Variants in SDK1 observed in about 807,000 individuals in gnomAD.
The protein encoded by SDK1 is sidekick cell adhesion molecule 1.
In SDK1, 157 loss-of-function variants were observed where a neutral mutation model predicts 245.5. The ratio of observed to expected loss-of-function variants is 0.64; its 90% CI spans 0.56 to 0.73. The LOEUF is 0.73. SDK1 is among the 30% of genes least tolerant of loss of function. SDK1 has a pLI of 0.00. For missense variants in SDK1, 3,583 were observed against 3,002.3 expected, an observed-to-expected ratio of 1.19 and a Z score of -4.52; for synonymous variants, 1,647 against 1,278.5, an observed-to-expected ratio of 1.29 and a Z score of -6.15.
intron 33 of SDK1, among the ~76,000 whole-genome samples, chr7:4,174,729 C>A (rs1782079163): frequency 6.6e-6 from 1 of 152,154 alleles, no homozygotes; most frequent in South Asian, 2.1e-4. Context: ...CAGGCCCCGC[C>A]TGTCTGTACC....
intron 17 of SDK1, among the ~76,000 whole-genome samples, chr7:4,047,394 C>A (rs939189158): frequency 3.5e-5 from 5 of 141,354 alleles, no homozygotes; most frequent in Admixed American, 1.3e-4. Flanking sequence ...ATTTTATTTT[C>A]TAATATTTTG....
chr7:3,678,206 C>T (rs573836242), intron 4 of SDK1, among the ~76,000 whole-genome samples: 2 of 152,254 alleles, frequency 1.3e-5, no homozygotes, highest in South Asian at 2.1e-4. Flanking sequence ...GTTTAGCCAC[C>T]GTGGAAGACC....
At chr7:4,192,500 C>G (rs971917450) in intron 35 of SDK1, among the ~76,000 whole-genome samples, 8 of 152,194 alleles carry the variant, frequency 5.3e-5, no homozygotes, top group Non-Finnish European at 1.0e-4. Flanking sequence ...TGGTCTCGAT[C>G]TCCTGAACTC....
intron 13 of SDK1, among the ~76,000 whole-genome samples, chr7:3,975,119 A>G (rs1041792627): frequency 6.6e-5 from 10 of 152,014 alleles, no homozygotes; most frequent in South Asian, 2.1e-4. Flanking sequence ...GAAACCGTCA[A>G]TCTCCCCCGT....
At chr7:3,662,210 A>G (rs1189989315) in intron 4 of SDK1, among the ~76,000 whole-genome samples, 2 of 152,174 alleles carry the variant, frequency 1.3e-5, no homozygotes, top group Non-Finnish European at 2.9e-5. Flanking sequence ...GTAAAATGGA[A>G]CTGATGGATC....
At chr7:3,421,114 C>A (rs1409809000) in intron 1 of SDK1, among the ~76,000 whole-genome samples, 1 of 148,672 alleles carries the variant, frequency 6.7e-6, no homozygotes, top group African/African-American at 2.5e-5. Context: ...TTTGGTGGCC[C>A]AGGCTGGAGT....
intron 5 of SDK1, among the ~76,000 whole-genome samples, chr7:3,848,570 G>A (rs1780338453): frequency 6.6e-6 from 1 of 152,158 alleles, no homozygotes; most frequent in Admixed American, 6.5e-5. Context: ...AAAACTGCCT[G>A]TGTTTGAAAA....
At chr7:4,086,815 A>T (rs1417288898) in intron 22 of SDK1, among the ~76,000 whole-genome samples, 1 of 152,124 alleles carries the variant, frequency 6.6e-6, no homozygotes, top group Non-Finnish European at 1.5e-5. Context: ...GGGCATCTCC[A>T]GGGGGCCTCA....
chr7:3,386,200 T>C (rs1475442574), intron 1 of SDK1, among the ~76,000 whole-genome samples: 2 of 152,196 alleles, frequency 1.3e-5, no homozygotes, highest in Non-Finnish European at 2.9e-5. Context: ...CAAATTATCA[T>C]AACTGATTGT....
chr7:3,556,505 AGTC>A (rs1779591764), intron 1 of SDK1, among the ~76,000 whole-genome samples: 1 of 152,150 alleles, frequency 6.6e-6, no homozygotes, highest in South Asian at 2.1e-4. Context: ...GGGTGACTAA[AGTC>A]AATAATTTAT....
chr7:3,642,942 T>G (rs540290217), intron 4 of SDK1: 1 of 152,248 alleles, frequency 6.6e-6, no homozygotes, highest in Non-Finnish European at 1.5e-5. Context: ...GAGCAAATAC[T>G]ATTGTTGTGC....
intron 5 of SDK1, among the ~76,000 whole-genome samples, chr7:3,931,581 T>C (rs1371117256): frequency 6.6e-6 from 1 of 152,190 alleles, no homozygotes; most frequent in Non-Finnish European, 1.5e-5. Flanking sequence ...AAATCCTTGC[T>C]TTCTATTCAG....
chr7:3,741,140 G>A (rs7785496), intron 4 of SDK1, among the ~76,000 whole-genome samples: 4,390 of 152,288 alleles, frequency 0.029, 208 homozygotes, highest in African/African-American at 0.1. Flanking sequence ...TGTATACCAA[G>A]TGGATGTGCT....
intron 1 of SDK1, among the ~76,000 whole-genome samples, chr7:3,399,364 AG>A (rs1202496315): frequency 6.6e-6 from 1 of 152,108 alleles, no homozygotes; most frequent in Non-Finnish European, 1.5e-5. Context: ...AAAGAATTAA[AG>A]GAAAGTATGA....
At chr7:4,127,336 C>T (rs1784455608) in intron 25 of SDK1, 45 bp from the exon 26 acceptor site, 1 of 1,379,302 alleles carries the variant, frequency 7.3e-7, no homozygotes, top group African/African-American at 1.4e-5. Context: ...TGTATGTAGA[C>T]ACTCTAGATT....
rs770835780 is a variant in SDK1 at position 4,017,193 on chromosome 7, G to A, written c.2443G>A (p.Gly815Arg). The change falls in exon 17 of 45, where the codon GGA becomes AGA. Residue 815 changes from glycine to arginine, a missense_variant. Physicochemically the swap from Gly to Arg is moderately radical, Grantham distance 125. Coordinates refer to ENST00000404826, the MANE Select transcript of SDK1 (RefSeq NM_152744.4). ...CAGGTACCGCCTGGCTGGCCTTCCC[G>A]GAGAGTACCAGCAGCGGAACATCAC... Reference protein sequence around the residue: ...ILRYRLAGLPGEYQQRNITSP... With the variant: ...ILRYRLAGLPREYQQRNITSP... 76 of 1,612,560 alleles carry A rather than the reference G, an allele frequency of 4.7e-5. No homozygotes were observed. Among genetic ancestry groups the A allele is most frequent in the Non-Finnish European group, 6.1e-5 (72 of 1,179,290 alleles).
intron 5 of SDK1, among the ~76,000 whole-genome samples, chr7:3,936,948 C>A (rs779371267): frequency 1.3e-5 from 2 of 152,136 alleles, no homozygotes; most frequent in Non-Finnish European, 2.9e-5. Context: ...GAATGCCACA[C>A]GGTCAGGTGT....
intron 19 of SDK1, among the ~76,000 whole-genome samples, chr7:4,066,233 T>A (rs1779889248): frequency 6.6e-6 from 1 of 152,070 alleles, no homozygotes; most frequent in Non-Finnish European, 1.5e-5. Context: ...CCTGAACGGG[T>A]ATCTGGAGGG....
chr7:3,403,700 T>C (rs1778950336), intron 1 of SDK1, among the ~76,000 whole-genome samples: 1 of 150,830 alleles, frequency 6.6e-6, no homozygotes. Flanking sequence ...CCTAAGAGAA[T>C]AGTCTATTTC....
Sources: gnomAD v4.1 joint callset for allele counts (sites outside exome capture counted in the v4.1 genomes callset) on GRCh38, gnomAD v4.1.1 for gene constraint, MANE v1.5 for transcripts, NCBI Gene and HGNC (gene_info 2026-07-23, HGNC 2026-07-21) for gene names.